Variants in DHCR7 observed in about 807,000 individuals in gnomAD.
DHCR7 encodes the protein 7-dehydrocholesterol reductase.
DHCR7 carries 40 observed loss-of-function variants against 43.3 expected under a neutral mutation model. The ratio of observed to expected loss-of-function variants is 0.92; its 90% CI spans 0.72 to 1.20. The LOEUF is 1.20. DHCR7 is among the 50% of genes most tolerant of loss of function. The pLI, the probability that DHCR7 is intolerant of heterozygous loss-of-function variation, is 0.00. For synonymous variants in DHCR7, 298 were observed against 271.4 expected (o/e 1.10, Z -0.96); for missense variants, 608 against 644.6 (o/e 0.94, Z 0.62).
chr11:71,448,885 G>C (rs1949434840), upstream of DHCR7: 1 of 152,490 alleles, frequency 6.6e-6, no homozygotes, highest in South Asian at 2.1e-4. Flanking sequence ...TAAACGATCA[G>C]GTAAACACAT....
In DHCR7 at chr11:71,439,081, T is replaced by C. The variant is rs1330568278; in HGVS notation, c.629A>G (p.Lys210Arg). 2 of 1,613,736 alleles carry C rather than the reference T, an allele frequency of 1.2e-6. No homozygotes were observed. ...GTTGTAAAAGAAATTGCCTGTGAATTTGCTTAAAAATATAAATAAAAGATA... is the reference window on the plus strand; with the variant it reads ...GTTGTAAAAGAAATTGCCTGTGAATCTGCTTAAAAATATAAATAAAAGATA... The part of the protein sequence containing the change: ...YFFPTSARDC[K>R]FTGNFFYNYM... The change falls in exon 7 of 9, where the codon AAA becomes AGA. Residue 210 changes from lysine (K) to arginine (R), a missense_variant and splice_region_variant. Transcript: ENST00000355527.
At chr11:71,430,456 C>A (rs1029694822), downstream of DHCR7, among the ~76,000 whole-genome samples, 2 of 151,970 alleles carry the variant, frequency 1.3e-5, no homozygotes, top group African/African-American at 2.4e-5. Context: ...CCCCAAAGCC[C>A]CAGAGGCAGT....
rs138962442 is a variant in DHCR7 at position 71,439,592 on chromosome 11, C to T, written c.627-509G>A. ...ACAAACGCACCCTGGGCCCGGCTTC[C>T]AGCATGTGCAGGACAAGTTCTTTGA... On this transcript the variant is annotated intron_variant, in intron 6 of 8. Coordinates refer to ENST00000355527, the MANE Select transcript of DHCR7 (RefSeq NM_001360.3). Among the ~76,000 whole-genome samples, 176 of 152,318 alleles carry T rather than the reference C, an allele frequency of 1.2e-3. 2 individuals are homozygous for T. The highest frequency in any genetic ancestry group is 3.9e-3 in the African/African-American group (163 of 41,560).
intron 7 of DHCR7, chr11:71,438,634 C>A: frequency 1.7e-6 from 1 of 584,538 alleles, no homozygotes; most frequent in Non-Finnish European, 3.1e-6. Flanking sequence ...CAAGGGAGAC[C>A]TTCCTGGACC....
chr11:71,443,382 G>T (rs889259251), intron 4 of DHCR7, among the ~76,000 whole-genome samples: 13 of 152,280 alleles, frequency 8.5e-5, no homozygotes, highest in African/African-American at 3.1e-4. Context: ...GAAAACCCAG[G>T]CCTGTCTCTT....
chr11:71,432,872 C>A (rs541838556), downstream of DHCR7, among the ~76,000 whole-genome samples: 113 of 152,304 alleles, frequency 7.4e-4, no homozygotes, highest in African/African-American at 2.6e-3. Flanking sequence ...ATGTGCTGAG[C>A]AATTGATTGT....
chr11:71,429,867 C>A (rs1269228516), downstream of DHCR7, among the ~76,000 whole-genome samples: 4 of 152,174 alleles, frequency 2.6e-5, no homozygotes, highest in African/African-American at 9.7e-5. Context: ...CCTGTGCAAA[C>A]CCCCACCCCT....
chr11:71,432,066 T>C (rs1949230974), downstream of DHCR7, among the ~76,000 whole-genome samples: 1 of 152,266 alleles, frequency 6.6e-6, no homozygotes, highest in South Asian at 2.1e-4. Context: ...ACTCAAGTGA[T>C]CTGCCCACAT....
rs1949254437 is a variant in DHCR7 at position 71,434,910 on chromosome 11, A to G, written c.*465T>C. On this transcript the variant is annotated 3_prime_UTR_variant, in exon 9 of 9. Coordinates refer to ENST00000355527, the MANE Select transcript of DHCR7 (RefSeq NM_001360.3). ...CCCCACCCACGACTGCAGAGCAGGC[A>G]GGGGAGGGGGATCTAGAGCTGAAAG... 6 of 359,486 alleles carry G rather than the reference A, an allele frequency of 1.7e-5. No individual in the cohort carries two copies. Among genetic ancestry groups the G allele is most frequent in the Non-Finnish European group, 3.3e-5 (6 of 181,984 alleles). 22.3% of individuals were successfully genotyped at this position (359,486 alleles called of 1,614,324 possible).
At chr11:71,441,081 G>A in intron 6 of DHCR7, 146 bp downstream of exon 6, 1 of 777,816 alleles carries the variant, frequency 1.3e-6, no homozygotes, top group South Asian at 1.5e-5. Flanking sequence ...ATGTTCCCCA[G>A]GGTGAAGCAA....
rs1489223375 is a variant in DHCR7, at chr11:71,434,805, G to A, written c.*570C>T. The A allele has an allele frequency of 1.3e-5, 4 of 313,782 alleles. No homozygotes were observed. Among genetic ancestry groups the A allele is most frequent in the Admixed American group, 8.9e-5 (2 of 22,368 alleles). The allele number at this position is 313,782 out of a possible 1,614,324, so 19.4% of individuals were successfully genotyped here. A position where few individuals can be genotyped will look rare whatever the true frequency, so the allele number is the denominator to read the frequency against. On this transcript the variant is annotated 3_prime_UTR_variant, in exon 9 of 9. Coordinates refer to ENST00000355527, the MANE Select transcript of DHCR7 (RefSeq NM_001360.3). ...GGCAGCTGTGCAGCAGGAGCAGGAA[G>A]GAAACGACATGAAAGCCCCTTTCTC...
At chr11:71,432,863 T>C (rs904183747), downstream of DHCR7, among the ~76,000 whole-genome samples, 1 of 152,322 alleles carries the variant, frequency 6.6e-6, no homozygotes, top group Middle Eastern at 3.4e-3. Context: ...GACAGAGATA[T>C]GTGCTGAGCA....
At chr11:71,436,595 G>A (rs1213641400) in intron 8 of DHCR7, among the ~76,000 whole-genome samples, 1 of 152,084 alleles carries the variant, frequency 6.6e-6, no homozygotes, top group African/African-American at 2.4e-5. Context: ...CCCAGGAGGT[G>A]GAGGTTGCAG....
In DHCR7 at chr11:71,438,089, G is replaced by A. The variant is rs1949307821; in HGVS notation, c.832-146C>T. The A allele has an allele frequency of 3.1e-6, 3 of 964,490 alleles. No individual in the cohort carries two copies. In the East Asian group the frequency reaches 7.8e-5, roughly 25 times the overall value. The allele number at this position is 964,490 out of a possible 1,614,324, so 59.7% of individuals were successfully genotyped here. On this transcript the variant is annotated intron_variant, in intron 7 of 8. Coordinates refer to ENST00000355527, the MANE Select transcript of DHCR7 (RefSeq NM_001360.3). ...TCAATGCTGGGGCTGTTCCTTCCCTGCGGCTGGGGCTGTTCCTGCCTGGGT... is the reference window on the plus strand; with the variant it reads ...TCAATGCTGGGGCTGTTCCTTCCCTACGGCTGGGGCTGTTCCTGCCTGGGT...
exon 3 of DHCR7, chr11:71,428,474 TAATTA>T (rs1440966344): frequency 6.0e-6 from 1 of 167,598 alleles, no homozygotes; most frequent in Non-Finnish European, 1.3e-5. Flanking sequence ...TGGATGCACT[TAATTA>T]AACAGTCACC....
At chr11:71,430,329 G>A (rs763858088), downstream of DHCR7, among the ~76,000 whole-genome samples, 3 of 152,236 alleles carry the variant, frequency 2.0e-5, no homozygotes, top group Non-Finnish European at 2.9e-5. Context: ...GGGAGCATGT[G>A]AGCATGTGAG....
chr11:71,441,341 G>A lies in DHCR7; in HGVS notation c.512C>T (p.Thr171Ile). 1 of 1,614,232 alleles carries A rather than the reference G, an allele frequency of 6.2e-7. No individual in the cohort carries two copies. The highest frequency in any genetic ancestry group is 8.5e-7 in the Non-Finnish European group (1 of 1,180,040). Residue 171 changes from threonine to isoleucine, a missense_variant, in exon 6 of 9, where the codon ACC (threonine) becomes ATC (isoleucine). By Grantham distance (89) the Thr-to-Ile change is moderately conservative. Transcript: ENST00000355527. ...NAHLLSWFSP[T>I]IIFDNWIPLL... The stretch of plus-strand genomic sequence containing the variant: ...TGGGATCCAGTTGTCGAAGATGATG[G>A]TGGGCGAGAACCAGGACAGGAGATG...
intron 4 of DHCR7, 159 bp downstream of exon 4, chr11:71,443,834 C>G (rs917065543): frequency 1.6e-6 from 1 of 613,366 alleles, no homozygotes; most frequent in Non-Finnish European, 2.9e-6. Flanking sequence ...GAGGATGAAT[C>G]TGAACATGTC....
intron 2 of DHCR7, 56 bp from the exon 3 acceptor site, chr11:71,445,014 C>T: frequency 6.8e-7 from 1 of 1,479,088 alleles, no homozygotes; most frequent in South Asian, 1.1e-5. Context: ...CACCACCTTT[C>T]CCTGTTGCAT....
Sources: gnomAD v4.1 joint callset for allele counts (sites outside exome capture counted in the v4.1 genomes callset) on GRCh38, gnomAD v4.1.1 for gene constraint, MANE v1.5 for transcripts, NCBI Gene and HGNC (gene_info 2026-07-23, HGNC 2026-07-21) for gene names.